BAZ2A: variants seen among roughly 807,000 people sequenced by gnomAD.
The protein encoded by BAZ2A is bromodomain adjacent to zinc finger domain protein 2A.
A neutral mutation model predicts 199.9 loss-of-function variants in BAZ2A; 34 were observed. The ratio of observed to expected loss-of-function variants is 0.17; its 90% CI spans 0.13 to 0.23. BAZ2A has a LOEUF of 0.23. Among genes scored for constraint, BAZ2A ranks in the 10% least tolerant of loss-of-function variants. The probability of loss-of-function intolerance (pLI) is 1.00; values close to 1 mark genes in which losing one functional copy is unlikely to be tolerated. For missense variants in BAZ2A, 2,002 were observed against 2,391.1 expected, an observed-to-expected ratio of 0.84 and a Z score of 3.39; for synonymous variants, 857 against 883.9, an observed-to-expected ratio of 0.97 and a Z score of 0.54.
At position 56,598,936 on chromosome 12, in the gene BAZ2A, A is replaced by C; in HGVS notation, c.5478T>G (p.Ser1826Arg). 6.2e-7 allele frequency: 1 copy of C among 1,607,936 alleles called. No homozygotes were observed. Among genetic ancestry groups the C allele is most frequent in the Non-Finnish European group, 8.5e-7 (1 of 1,177,284 alleles). ...FLEPVNPRLVSGYRRIIKNPM... is the reference protein window; with the variant it reads ...FLEPVNPRLVRGYRRIIKNPM... ...GATTTTTGATGATGCGCCGGTACCC[A>C]CTCACCAAACGTGGGTTCACAGGCT... Residue 1826 changes from serine to arginine, a missense_variant, in exon 28 of 29, where the codon AGT becomes AGG. By Grantham distance (110) the Ser-to-Arg change is moderately radical (BLOSUM62 -1). Transcript: ENST00000549884.
chr12:56,612,157 G>A lies in BAZ2A; in HGVS notation c.1225C>T (p.Pro409Ser). 6.2e-7 allele frequency: 1 copy of A among 1,613,930 alleles called. No individual in the cohort carries two copies. The highest frequency in any genetic ancestry group is 8.5e-7 in the Non-Finnish European group (1 of 1,179,876). The change falls in exon 6 of 29, where the codon CCA becomes TCA. Residue 409 changes from proline (P) to serine (S), a missense_variant. Around this residue, in one of 6 missense-constraint regions of BAZ2A, gnomAD observed 641 missense variants for 694.5 expected, o/e 0.92. Transcript: ENST00000549884. ...ATAGTGGATGACTGATCAGGAGCTG[G>A]CTGGGTCAGGGATGGTGGGAAGTCT... is the stretch of plus-strand genomic sequence containing the variant. ...SSDFPPSLTQ[P>S]APDQSSTIQL...
In BAZ2A at chr12:56,630,269, G is replaced by A; in HGVS notation, c.-147C>T. On this transcript the variant is annotated 5_prime_UTR_variant, in exon 1 of 29. Transcript: ENST00000549884. ...GGTCCGGGGTTCGGGAAGGGGGAGG[G>A]GGACGCGGCTCAACCGCGGGGCCCG... is the stretch of plus-strand genomic sequence containing the variant. The A allele has an allele frequency of 1.0e-6, 1 of 984,188 alleles. No individual in the cohort carries two copies. Among genetic ancestry groups the A allele is most frequent in the Non-Finnish European group, 1.2e-6 (1 of 828,754 alleles). The allele number at this position is 984,188 out of a possible 1,614,324, so 61.0% of individuals were successfully genotyped here.
chr12:56,608,883 TTTTTTTTTTG>T (rs1950462206), intron 10 of BAZ2A, among the ~76,000 whole-genome samples: 1 of 141,742 alleles, frequency 7.1e-6, no homozygotes, highest in Admixed American at 7.0e-5. Flanking sequence ...TTTTTTTTTT[TTTTTTTTTTG>T]AGACAGAGTC....
At chr12:56,632,534 C>G (rs1178511952), upstream of BAZ2A, among the ~76,000 whole-genome samples, 8 of 152,154 alleles carry the variant, frequency 5.3e-5, no homozygotes, top group African/African-American at 1.9e-4. Flanking sequence ...TCCGGAAGAG[C>G]CGGTTACTCC....
intron 10 of BAZ2A, 57 bp downstream of exon 10, chr12:56,609,679 A>G (rs1950499804): frequency 1.3e-6 from 2 of 1,524,020 alleles, no homozygotes; most frequent in Admixed American, 1.9e-5. Flanking sequence ...CAATTCATCA[A>G]CATTTTAGAT....
intron 2 of BAZ2A, among the ~76,000 whole-genome samples, chr12:56,617,008 C>T (rs1950744520): frequency 6.6e-6 from 1 of 152,170 alleles, no homozygotes; most frequent in Non-Finnish European, 1.5e-5. Flanking sequence ...GATGTACAAA[C>T]TAAAAGGCAA....
intron 24 of BAZ2A, 43 bp downstream of exon 24, chr12:56,600,158 C>G (rs1186964000): frequency 2.5e-6 from 4 of 1,611,978 alleles, no homozygotes; most frequent in Non-Finnish European, 3.4e-6. Flanking sequence ...GGAACTTATC[C>G]CTTTCTCTCC....
intron 8 of BAZ2A, 42 bp from the exon 9 acceptor site, chr12:56,610,257 T>C (rs1950517988): frequency 6.9e-7 from 1 of 1,441,294 alleles, no homozygotes. Context: ...AGTTGGATCC[T>C]ACCATGTCTT....
At chr12:56,623,666 T>C (rs1383976832) in intron 1 of BAZ2A, among the ~76,000 whole-genome samples, 1 of 152,092 alleles carries the variant, frequency 6.6e-6, no homozygotes, top group Non-Finnish European at 1.5e-5. Context: ...GTAGGGGACA[T>C]TTAGTAATCT....
At position 56,610,232 on chromosome 12, in the gene BAZ2A, A is replaced by T. The variant is rs1950516943; in HGVS notation, c.1780-17T>A. Reference sequence around the variant, plus strand: ...GCTCAGGTACTAAGAGGAAGAAGTAAAGTAACATTAATAAAGTTGGATCCT... The same window carrying T: ...GCTCAGGTACTAAGAGGAAGAAGTATAGTAACATTAATAAAGTTGGATCCT... On this transcript the variant is annotated splice_polypyrimidine_tract_variant and intron_variant, in intron 8 of 28. Coordinates refer to ENST00000549884, the MANE Select transcript of BAZ2A (RefSeq NM_001300905.2). The T allele has an allele frequency of 6.2e-7, 1 of 1,612,828 alleles. No individual in the cohort carries two copies. Among genetic ancestry groups the T allele is most frequent in the African/African-American group, 1.3e-5 (1 of 74,852 alleles).
At chr12:56,620,906 G>A (rs936056042) in intron 1 of BAZ2A, among the ~76,000 whole-genome samples, 1 of 152,116 alleles carries the variant, frequency 6.6e-6, no homozygotes, top group Non-Finnish European at 1.5e-5. Flanking sequence ...GCAGTAGGGG[G>A]TCTGAAAGAT....
rs748461061 is a variant in BAZ2A, at chr12:56,613,187, C to T, written c.963G>A (p.Met321Ile). 6.2e-7 allele frequency: 1 copy of T among 1,614,030 alleles called. No homozygotes were observed. Among genetic ancestry groups the T allele is most frequent in the African/African-American group, 1.3e-5 (1 of 75,052 alleles). The change falls in exon 5 of 29, where the codon ATG (methionine) becomes ATA (isoleucine). Residue 321 changes from methionine to isoleucine, a missense_variant. Met to Ile is a conservative substitution (Grantham distance 10, BLOSUM62 1). Transcript: ENST00000549884. ...GLYGIDDTEL[M>I]GAEDKLPLED... ...CAAGAGGCAGCTTGTCCTCTGCACC[C>T]ATCAGCTCCGTGTCATCAATACCAT...
At chr12:56,633,625 C>A (rs142796267), upstream of BAZ2A, among the ~76,000 whole-genome samples, 13 of 152,182 alleles carry the variant, frequency 8.5e-5, no homozygotes, top group Non-Finnish European at 1.3e-4. Flanking sequence ...TAGACCCCCC[C>A]ACCAGGTTAA....
At position 56,601,885 on chromosome 12, in the gene BAZ2A, C is replaced by T. The variant is rs577530292; in HGVS notation, c.3732G>A (p.Gly1244=). Reference sequence around the variant, plus strand: ...AAGGGGAGCCTTCTTGCTCCAGGAACCCCTTATGGGACTGAAGCTGAAGCT... The same window carrying T: ...AAGGGGAGCCTTCTTGCTCCAGGAATCCCTTATGGGACTGAAGCTGAAGCT... The part of the protein sequence containing the change: ...QLQLQLQSHK[G]FLEQEGSPLS... The change falls in exon 20 of 29, where the codon GGG becomes GGA. Residue 1244 remains glycine, a synonymous_variant. Transcript: ENST00000549884. 12 of 1,613,230 alleles carry T rather than the reference C, an allele frequency of 7.4e-6. No homozygotes were observed. In the African/African-American group the frequency reaches 1.2e-4, roughly 16 times the overall value.
rs1457216794 is a variant in BAZ2A, at chr12:56,600,893, A to G, written c.4450+50T>C. 7 of 1,611,802 alleles carry G rather than the reference A, an allele frequency of 4.3e-6. No individual in the cohort carries two copies. The East Asian group carries it at 8.9e-5, about 21-fold the overall frequency. ...GGCTGTTGTCCCTAGCAGCAGCTCAATGCTTATCCTGGGCTCTTCAGCTCA... is the reference window on the plus strand; with the variant it reads ...GGCTGTTGTCCCTAGCAGCAGCTCAGTGCTTATCCTGGGCTCTTCAGCTCA... On this transcript the variant is annotated intron_variant, in intron 22 of 28. Coordinates refer to ENST00000549884, the MANE Select transcript of BAZ2A (RefSeq NM_001300905.2).
Position 56,614,129 on chromosome 12 carries a change from A to G in BAZ2A, c.740T>C (p.Met247Thr). ...ELEEEQPELK[M>T]CGYNGSVPSV... ...AGGGACAGAGCCATTGTAGCCACAC[A>G]TCTTCAGTTCTAGGAAATCACAGGA... Residue 247 changes from methionine to threonine, a missense_variant, in exon 4 of 29, where the codon ATG becomes ACG. This residue lies in a region of BAZ2A where 641 missense variants were observed against 694.5 expected (regional missense o/e 0.92). Transcript: ENST00000549884. 1 of 1,613,772 alleles carries G rather than the reference A, an allele frequency of 6.2e-7. No individual in the cohort carries two copies. Among genetic ancestry groups the G allele is most frequent in the Non-Finnish European group, 8.5e-7 (1 of 1,179,656 alleles).
At position 56,600,835 on chromosome 12, in the gene BAZ2A, G is replaced by A; in HGVS notation, c.4451-3C>T. On this transcript the variant is annotated splice_region_variant and splice_polypyrimidine_tract_variant and intron_variant, in intron 22 of 28. Transcript: ENST00000549884. ...TTGCCTGGGCTCAAAGATGGGGTCT[G>A]AGAAGAGAGGTGGCAGAGGGAGAGG... The A allele has an allele frequency of 6.2e-7, 1 of 1,613,460 alleles. No homozygotes were observed.
intron 1 of BAZ2A, among the ~76,000 whole-genome samples, chr12:56,627,045 T>C (rs1312014858): frequency 4.6e-5 from 7 of 152,350 alleles, no homozygotes; most frequent in Admixed American, 4.6e-4. Context: ...CACACAATCA[T>C]AAGTGTCTAT....
exon 1 of BAZ2A, chr12:56,636,218 C>T: frequency 6.3e-7 from 1 of 1,588,510 alleles, no homozygotes; most frequent in Non-Finnish European, 8.6e-7. Context: ...CTGGGACCAC[C>T]CAGCTCCTCA....
Sources: gnomAD v4.1 joint callset for allele counts (sites outside exome capture counted in the v4.1 genomes callset) on GRCh38, gnomAD v4.1.1 for gene constraint, gnomAD v4.1.1 regional missense constraint, MANE v1.5 for transcripts, NCBI Gene and HGNC (gene_info 2026-07-23, HGNC 2026-07-21) for gene names.